Variants in FBXL7 observed in about 807,000 individuals in gnomAD.
The protein encoded by FBXL7 is F-box and leucine rich repeat protein 7.
In FBXL7, 12 loss-of-function variants were observed where a neutral mutation model predicts 38.3. That is an observed-to-expected ratio of 0.31 (90% CI 0.20 to 0.51). FBXL7 has a LOEUF of 0.51. Among genes scored for constraint, FBXL7 ranks in the 20% least tolerant of loss-of-function variants. The probability of loss-of-function intolerance (pLI) is 0.98; values close to 1 mark genes in which losing one functional copy is unlikely to be tolerated. For missense variants in FBXL7, 567 were observed against 676.4 expected (o/e 0.84, Z 1.79); for synonymous variants, 297 against 300.9 (o/e 0.99, Z 0.13).
intron 1 of FBXL7, among the ~76,000 whole-genome samples, chr5:15,550,715 G>T (rs910273353): frequency 5.3e-5 from 8 of 152,220 alleles, no homozygotes; most frequent in Admixed American, 5.2e-4. Context: ...AACAAGTTCA[G>T]ATCTCTTTGT....
intron 2 of FBXL7, among the ~76,000 whole-genome samples, chr5:15,913,585 C>A (rs1379744763): frequency 6.6e-6 from 1 of 152,070 alleles, no homozygotes; most frequent in Non-Finnish European, 1.5e-5. Context: ...TTACTAGAAT[C>A]TAAATTCAAT....
At chr5:15,581,188 C>G (rs1199014425) in intron 1 of FBXL7, among the ~76,000 whole-genome samples, 3 of 152,186 alleles carry the variant, frequency 2.0e-5, no homozygotes, top group African/African-American at 7.2e-5. Context: ...TGTCAAATAT[C>G]ATTTTTAATG....
intron 2 of FBXL7, among the ~76,000 whole-genome samples, chr5:15,637,805 T>C (rs1319628186): frequency 6.6e-6 from 1 of 152,216 alleles, no homozygotes; most frequent in Non-Finnish European, 1.5e-5. Context: ...TTCTTCATAG[T>C]AGAGATCTAT....
At chr5:15,585,442 G>T (rs1739272289) in intron 1 of FBXL7, among the ~76,000 whole-genome samples, 1 of 152,132 alleles carries the variant, frequency 6.6e-6, no homozygotes, top group Non-Finnish European at 1.5e-5. Context: ...ACACCTCAAA[G>T]GTATTTTGCA....
At chr5:15,625,836 A>G (rs574108333) in intron 2 of FBXL7, among the ~76,000 whole-genome samples, 65 of 152,234 alleles carry the variant, frequency 4.3e-4, no homozygotes, top group Non-Finnish European at 7.8e-4. Context: ...AGGAAACTCA[A>G]TCTATGACAC....
intron 1 of FBXL7, among the ~76,000 whole-genome samples, chr5:15,578,375 A>G (rs2126463458): frequency 6.6e-6 from 1 of 152,302 alleles, no homozygotes; most frequent in South Asian, 2.1e-4. Flanking sequence ...GAGAGACATG[A>G]TCTCAAAGAA....
At chr5:15,935,140 G>A (rs189010209) in intron 3 of FBXL7, 7 of 534,380 alleles carry the variant, frequency 1.3e-5, no homozygotes, top group African/African-American at 3.9e-5. Context: ...GGCCAGTGGC[G>A]TTGGAGGAAT....
chr5:15,803,547 A>G (rs974572902), intron 2 of FBXL7, among the ~76,000 whole-genome samples: 7 of 130,264 alleles, frequency 5.4e-5, no homozygotes, highest in South Asian at 5.2e-4. Context: ...CCTTCCTCTC[A>G]TCTCCCTCTT....
At chr5:15,563,316 T>C (rs1221087200) in intron 1 of FBXL7, among the ~76,000 whole-genome samples, 1 of 152,148 alleles carries the variant, frequency 6.6e-6, no homozygotes, top group Non-Finnish European at 1.5e-5. Flanking sequence ...TGGCACTCCA[T>C]ACCTACTTCA....
chr5:15,784,672 C>A (rs1051148890), intron 2 of FBXL7, among the ~76,000 whole-genome samples: 2 of 152,012 alleles, frequency 1.3e-5, no homozygotes, highest in African/African-American at 4.8e-5. Context: ...CTCCCCACCC[C>A]CCTGCTCCTG....
At chr5:15,623,810 T>C (rs1277882788) in intron 2 of FBXL7, among the ~76,000 whole-genome samples, 1 of 152,204 alleles carries the variant, frequency 6.6e-6, no homozygotes, top group Non-Finnish European at 1.5e-5. Context: ...CATTGAGCAT[T>C]GTTTCACCAT....
chr5:15,541,441 G>GTTTATATA (rs35405191), intron 1 of FBXL7, among the ~76,000 whole-genome samples: 1 of 53,370 alleles, frequency 1.9e-5, no homozygotes, highest in South Asian at 9.0e-4. Flanking sequence ...ATGTGTGTGT[G>GTTTATATA]TGTATATATA....
At chr5:15,545,003 C>A (rs905682155) in intron 1 of FBXL7, among the ~76,000 whole-genome samples, 1 of 152,140 alleles carries the variant, frequency 6.6e-6, no homozygotes, top group African/African-American at 2.4e-5. Flanking sequence ...AGAAATGAAT[C>A]GTTCTAGAGG....
intron 2 of FBXL7, among the ~76,000 whole-genome samples, chr5:15,671,722 AT>A (rs1166815819): frequency 6.6e-6 from 1 of 152,208 alleles, no homozygotes; most frequent in African/African-American, 2.4e-5. Flanking sequence ...CAGTTTCAGA[AT>A]TTTGTCAATG....
At chr5:15,609,921 T>A (rs1414032394) in intron 1 of FBXL7, among the ~76,000 whole-genome samples, 1 of 152,142 alleles carries the variant, frequency 6.6e-6, no homozygotes, top group East Asian at 1.9e-4. Context: ...AGACGGTAAT[T>A]TACAAAGAAA....
intron 2 of FBXL7, among the ~76,000 whole-genome samples, chr5:15,877,371 A>T (rs1309260424): frequency 6.6e-6 from 1 of 152,232 alleles, no homozygotes; most frequent in Non-Finnish European, 1.5e-5. Flanking sequence ...TTCAAAGAAA[A>T]GTTAGACTAA....
chr5:15,507,954 A>G (rs1000623527), intron 1 of FBXL7, among the ~76,000 whole-genome samples: 2 of 152,030 alleles, frequency 1.3e-5, no homozygotes, highest in African/African-American at 4.8e-5. Flanking sequence ...GAGGCAGGAG[A>G]ATCACTTGAA....
intron 2 of FBXL7, among the ~76,000 whole-genome samples, chr5:15,640,649 G>T (rs939299198): frequency 6.6e-6 from 1 of 151,808 alleles, no homozygotes; most frequent in African/African-American, 2.4e-5. Flanking sequence ...TCAGCCTCCA[G>T]AGTAGCTGGG....
intron 1 of FBXL7, among the ~76,000 whole-genome samples, chr5:15,513,575 G>A (rs1161323417): frequency 2.0e-5 from 3 of 152,182 alleles, no homozygotes; most frequent in Admixed American, 6.5e-5. Context: ...TCCTGCATGT[G>A]TGTTCAGATC....
Sources: gnomAD v4.1 joint callset for allele counts (sites outside exome capture counted in the v4.1 genomes callset) on GRCh38, gnomAD v4.1.1 for gene constraint, MANE v1.5 for transcripts, NCBI Gene and HGNC (gene_info 2026-07-23, HGNC 2026-07-21) for gene names.